CSMD1: variants seen among roughly 807,000 people sequenced by gnomAD.
The protein encoded by CSMD1 is CUB and Sushi multiple domains 1.
In CSMD1, 213 loss-of-function variants were observed where a neutral mutation model predicts 417.5. The observed-to-expected ratio is 0.51, with a 90% CI of 0.46 to 0.57. The LOEUF (loss-of-function observed/expected upper bound fraction) is 0.57, where lower values mean the gene tolerates loss of function less well. Ranked by LOEUF, CSMD1 falls within the 20% of genes least tolerant of loss-of-function variation. CSMD1 has a pLI of 0.00. For missense variants in CSMD1, 6,923 were observed against 4,529.7 expected (o/e 1.53, Z -15.17); for synonymous variants, 2,862 against 1,736.8 (o/e 1.65, Z -16.11).
intron 2 of CSMD1, among the ~76,000 whole-genome samples, chr8:4,562,272 G>A (rs1798378395): frequency 6.6e-6 from 1 of 152,296 alleles, no homozygotes; most frequent in Non-Finnish European, 1.5e-5. Context: ...CATTACGCGA[G>A]CAGAGAGAGG....
At chr8:4,614,970 G>A (rs1057508304) in intron 2 of CSMD1, among the ~76,000 whole-genome samples, 6 of 152,026 alleles carry the variant, frequency 3.9e-5, no homozygotes, top group African/African-American at 7.2e-5. Flanking sequence ...AAAAACAGTC[G>A]TATTTGTAGT....
At chr8:4,951,435 AAG>A (rs1808737355) in intron 1 of CSMD1, among the ~76,000 whole-genome samples, 1 of 151,908 alleles carries the variant, frequency 6.6e-6, no homozygotes, top group Non-Finnish European at 1.5e-5. Context: ...AAGAAAAAGA[AAG>A]AAAGAGGGAA....
chr8:3,327,032 G>A (rs1806577817), intron 23 of CSMD1, among the ~76,000 whole-genome samples: 1 of 151,488 alleles, frequency 6.6e-6, no homozygotes, highest in South Asian at 2.1e-4. Context: ...AAAAAAAAAA[G>A]ACAAAAAATA....
chr8:3,723,444 G>C (rs1302498944), intron 6 of CSMD1, among the ~76,000 whole-genome samples: 1 of 152,156 alleles, frequency 6.6e-6, no homozygotes, highest in Admixed American at 6.5e-5. Flanking sequence ...TTATCCAAGA[G>C]CATAGATCAT....
chr8:4,953,371 T>C (rs1808876917), intron 1 of CSMD1, among the ~76,000 whole-genome samples: 1 of 152,134 alleles, frequency 6.6e-6, no homozygotes, highest in Admixed American at 6.6e-5. Context: ...TCACCATTTA[T>C]GGAAGGACTA....
intron 1 of CSMD1, among the ~76,000 whole-genome samples, chr8:4,712,534 A>C (rs1808374960): frequency 6.6e-6 from 1 of 152,186 alleles, no homozygotes; most frequent in African/African-American, 2.4e-5. Context: ...TCCCTTTATC[A>C]GAGCAAAGAT....
At chr8:3,848,069 T>TTCTCTC (rs111682595) in intron 5 of CSMD1, among the ~76,000 whole-genome samples, 14,847 of 133,376 alleles carry the variant, frequency 0.11, 1,799 homozygotes, top group African/African-American at 0.32. Flanking sequence ...CTGGTGATAT[T>TTCTCTC]TCTCTCTCTC....
rs4875256 is a variant in CSMD1, at chr8:3,902,579, G to A, written c.818+95324C>T. ...TCCATTGCATGCTCAGTTCACAGTA[G>A]GGTTCACGATCCTATGAAAATCTAA... On this transcript the variant is annotated intron_variant, in intron 5 of 69. Transcript: ENST00000635120. 4.1e-3 allele frequency among the ~76,000 whole-genome samples: 626 copies of A among 152,138 alleles called. 15 individuals are homozygous for A. Among genetic ancestry groups the A allele is most frequent in the Admixed American group, 0.039 (589 of 15,284 alleles).
At chr8:4,778,159 A>G (rs1381779818) in intron 1 of CSMD1, among the ~76,000 whole-genome samples, 1 of 152,202 alleles carries the variant, frequency 6.6e-6, no homozygotes, top group African/African-American at 2.4e-5. Flanking sequence ...CATTACATAT[A>G]AAACAAATAT....
At chr8:4,785,197 C>T (rs1380131399) in intron 1 of CSMD1, among the ~76,000 whole-genome samples, 2 of 152,190 alleles carry the variant, frequency 1.3e-5, no homozygotes, top group African/African-American at 4.8e-5. Flanking sequence ...ATCTATTCTG[C>T]TGCTCCTAGA....
intron 3 of CSMD1, among the ~76,000 whole-genome samples, chr8:4,106,479 C>T (rs1392590275): frequency 6.6e-6 from 1 of 152,094 alleles, no homozygotes; most frequent in Non-Finnish European, 1.5e-5. Context: ...CTCTGCATTG[C>T]TCTTGAGTAA....
At chr8:3,253,976 T>G (rs924628534) in intron 26 of CSMD1, among the ~76,000 whole-genome samples, 3 of 152,218 alleles carry the variant, frequency 2.0e-5, no homozygotes, top group Non-Finnish European at 4.4e-5. Flanking sequence ...GCCTTGATGG[T>G]CTTTACAATT....
At chr8:3,203,083 C>G (rs768937156) in intron 31 of CSMD1, among the ~76,000 whole-genome samples, 1 of 152,124 alleles carries the variant, frequency 6.6e-6, no homozygotes, top group Admixed American at 6.5e-5. Flanking sequence ...CAGATAATTT[C>G]TACTCTTTTT....
At chr8:3,919,126 G>T (rs904828055) in intron 5 of CSMD1, among the ~76,000 whole-genome samples, 1 of 136,092 alleles carries the variant, frequency 7.3e-6, no homozygotes, top group South Asian at 2.3e-4. Flanking sequence ...AGAAGATTCT[G>T]TGTTTGACGT....
intron 5 of CSMD1, among the ~76,000 whole-genome samples, chr8:3,938,195 A>G (rs1161619376): frequency 2.0e-5 from 3 of 152,096 alleles, no homozygotes; most frequent in Non-Finnish European, 2.9e-5. Flanking sequence ...ATTGCCTGTC[A>G]TTTTTGGGTA....
chr8:4,028,748 G>A (rs1023725400), intron 4 of CSMD1, among the ~76,000 whole-genome samples: 2 of 152,114 alleles, frequency 1.3e-5, no homozygotes, highest in South Asian at 2.1e-4. Context: ...TTACATTAGT[G>A]CTTGTTGTGA....
intron 26 of CSMD1, among the ~76,000 whole-genome samples, chr8:3,240,924 C>A (rs1385267882): frequency 6.6e-6 from 1 of 151,886 alleles, no homozygotes; most frequent in East Asian, 1.9e-4. Context: ...TGATAACAGG[C>A]TTTAATCCTT....
intron 3 of CSMD1, among the ~76,000 whole-genome samples, chr8:4,063,837 C>T (rs572426479): frequency 5.3e-5 from 8 of 152,206 alleles, no homozygotes; most frequent in Admixed American, 2.6e-4. Flanking sequence ...TAAGAAGGAA[C>T]CAGGAGTAGA....
chr8:4,172,784 G>T (rs920469594), intron 3 of CSMD1, among the ~76,000 whole-genome samples: 2 of 152,132 alleles, frequency 1.3e-5, no homozygotes, highest in African/African-American at 4.8e-5. Flanking sequence ...TACCCACAGA[G>T]AAGCCTATCC....
Sources: gnomAD v4.1 joint callset for allele counts (sites outside exome capture counted in the v4.1 genomes callset) on GRCh38, gnomAD v4.1.1 for gene constraint, MANE v1.5 for transcripts, NCBI Gene and HGNC (gene_info 2026-07-23, HGNC 2026-07-21) for gene names.